HTT: variants seen among roughly 807,000 people sequenced by gnomAD.
HTT encodes the protein huntingtin.
A neutral mutation model predicts 362.3 loss-of-function variants in HTT; 104 were observed. The observed-to-expected ratio is 0.29, with a 90% CI of 0.24 to 0.34. The LOEUF is 0.34. HTT is among the 10% of genes least tolerant of loss of function. HTT has a pLI of 1.00. For missense variants in HTT, 3,301 were observed against 3,928.6 expected (o/e 0.84, Z 4.27); for synonymous variants, 1,577 against 1,548.7 (o/e 1.02, Z -0.43).
intron 35 of HTT, among the ~76,000 whole-genome samples, chr4:3,180,102 A>C (rs2110239929): frequency 6.6e-6 from 1 of 151,206 alleles, no homozygotes; most frequent in South Asian, 2.1e-4. Flanking sequence ...ATAATAATCC[A>C]GTGGCTTTGA....
intron 30 of HTT, 148 bp downstream of exon 30, chr4:3,172,545 T>C: frequency 2.9e-6 from 2 of 693,758 alleles, no homozygotes; most frequent in Non-Finnish European, 5.2e-6. Context: ...AGTCCATGAT[T>C]GAGCCAAGAG....
intron 8 of HTT, among the ~76,000 whole-genome samples, chr4:3,119,900 T>G (rs1715213703): frequency 6.6e-6 from 1 of 152,166 alleles, no homozygotes; most frequent in Non-Finnish European, 1.5e-5. Flanking sequence ...GTAAATATTT[T>G]CAGTCTTGCA....
At chr4:3,172,432 C>A (rs762798576) in intron 30 of HTT, 35 bp downstream of exon 30, 1 of 1,390,500 alleles carries the variant, frequency 7.2e-7, no homozygotes, top group Non-Finnish European at 1.0e-6. Flanking sequence ...TCTGTTAAGA[C>A]GTTCGGGTAT....
At chr4:3,147,851 C>A (rs1027807770) in intron 25 of HTT, among the ~76,000 whole-genome samples, 154 bp from the exon 26 acceptor site, 1 of 152,196 alleles carries the variant, frequency 6.6e-6, no homozygotes, top group Non-Finnish European at 1.5e-5. Flanking sequence ...CGGGAAACAT[C>A]AGTTTCAGTT....
At chr4:3,079,419 G>T (rs1712769153) in intron 1 of HTT, among the ~76,000 whole-genome samples, 1 of 152,064 alleles carries the variant, frequency 6.6e-6, no homozygotes, top group Non-Finnish European at 1.5e-5. Context: ...ATCACACCTG[G>T]CCAGATGATG....
chr4:3,180,382 C>T, intron 35 of HTT, 133 bp from the exon 36 acceptor site: 1 of 659,240 alleles, frequency 1.5e-6, no homozygotes, highest in African/African-American at 1.9e-5. Context: ...AACCTTAATT[C>T]ATCTCTTACC....
intron 9 of HTT, 124 bp from the exon 10 acceptor site, chr4:3,122,765 T>A: frequency 1.4e-6 from 1 of 693,238 alleles, no homozygotes; most frequent in Non-Finnish European, 2.5e-6. Flanking sequence ...GTTAAGTGTT[T>A]CCTGTGGAAA....
At chr4:3,207,165 C>A in intron 44 of HTT, 116 bp from the exon 45 acceptor site, 1 of 1,065,826 alleles carries the variant, frequency 9.4e-7, no homozygotes, top group Non-Finnish European at 1.4e-6. Flanking sequence ...GTATTTTTTT[C>A]TAGTCTGCCC....
At chr4:3,151,574 G>A (rs1453336490) in intron 26 of HTT, among the ~76,000 whole-genome samples, 1 of 152,144 alleles carries the variant, frequency 6.6e-6, no homozygotes, top group Non-Finnish European at 1.5e-5. Context: ...TGGGGACACA[G>A]AGCCAAACCA....
intron 6 of HTT, among the ~76,000 whole-genome samples, chr4:3,109,262 T>C (rs370059052): frequency 1.3e-5 from 2 of 152,110 alleles, no homozygotes; most frequent in East Asian, 1.9e-4. Flanking sequence ...GTTTTGCTCT[T>C]GTTGCCAAGG....
In HTT at chr4:3,238,827, ACT is replaced by A; in HGVS notation, c.9067_9068del (p.Leu3023AlafsTer94). 6.2e-7 allele frequency: 1 copy of A among 1,606,492 alleles called. No individual in the cohort carries two copies. Among genetic ancestry groups the A allele is most frequent in the Non-Finnish European group, 8.5e-7 (1 of 1,177,050 alleles). ...TGCTTGCTCCTTGCAGGTGTTTCAG[ACT>A]CTGCACAGCACCGGGCAGTCGTCCA... ...MATVVYKVFQ[T>X]LHSTGQSSMV... On this transcript the variant is annotated frameshift_variant, in exon 66 of 67. Transcript: ENST00000355072. LOFTEE classifies it high-confidence loss of function.
intron 24 of HTT, 149 bp downstream of exon 24, chr4:3,145,377 A>G (rs1359704780): frequency 6.2e-6 from 4 of 640,220 alleles, no homozygotes; most frequent in East Asian, 2.7e-5. Flanking sequence ...TTTCTGCTAT[A>G]TTAGCTGTGT....
At chr4:3,095,207 A>G (rs1387604428) in intron 2 of HTT, among the ~76,000 whole-genome samples, 1 of 152,222 alleles carries the variant, frequency 6.6e-6, no homozygotes, top group East Asian at 1.9e-4. Context: ...GTGACCCGAG[A>G]TCACGCCACT....
In HTT at chr4:3,218,933, C is replaced by CTG. The variant is rs151040757; in HGVS notation, c.7242+994_7242+995dup. ...CTGCCTGAGAAGGGTGCGTGCCTGCCTGTGTGTGTGTGTGCACGTGTGTGT... is the reference window on the plus strand; with the variant it reads ...CTGCCTGAGAAGGGTGCGTGCCTGCCTGTGTGTGTGTGTGTGCACGTGTGTGT... On this transcript the variant is annotated intron_variant, in intron 52 of 66. Coordinates refer to ENST00000355072, the MANE Select transcript of HTT (RefSeq NM_001388492.1). This position sits in a 1 kb window ranked among gnomAD's most constrained non-coding sequence, Gnocchi z 4.4. 7.9e-5 allele frequency among the ~76,000 whole-genome samples: 12 copies of CTG among 151,758 alleles called. No individual in the cohort carries two copies. The highest frequency in any genetic ancestry group is 1.5e-4 in the Non-Finnish European group (10 of 67,834).
intron 1 of HTT, among the ~76,000 whole-genome samples, chr4:3,076,320 C>G (rs28468636): frequency 0.082 from 12,468 of 152,182 alleles, 1,035 homozygotes; most frequent in African/African-American, 0.21. Flanking sequence ...TATTCTATTT[C>G]CGATCTGGAT....
chr4:3,078,546 T>G (rs1408370285), intron 1 of HTT, among the ~76,000 whole-genome samples: 1 of 152,086 alleles, frequency 6.6e-6, no homozygotes, highest in East Asian at 1.9e-4. Flanking sequence ...TAGCACTAAG[T>G]GTTGACATTT....
chr4:3,124,324 G>A (rs1020093614), intron 10 of HTT, among the ~76,000 whole-genome samples: 2 of 152,166 alleles, frequency 1.3e-5, no homozygotes, highest in African/African-American at 2.4e-5. Flanking sequence ...TCTTCTGGCT[G>A]GGACATGGGA....
At chr4:3,161,064 C>T (rs1028131631) in intron 29 of HTT, among the ~76,000 whole-genome samples, 3 of 152,114 alleles carry the variant, frequency 2.0e-5, no homozygotes, top group Non-Finnish European at 4.4e-5. Context: ...AATGTTATCC[C>T]TCCCCCAGTC....
rs1165543364 is a variant in HTT at position 3,083,530 on chromosome 4, T to TATACACAC, written c.264-3408_264-3407insTACACACA. Among the ~76,000 whole-genome samples the TATACACAC allele has an allele frequency of 4.0e-5, 5 of 125,126 alleles. 1 individual carries two copies. Among genetic ancestry groups the TATACACAC allele is most frequent in the Non-Finnish European group, 6.9e-5 (4 of 57,938 alleles). 82.1% of individuals were successfully genotyped at this position (125,126 alleles called of 152,430 possible). ...GAGAGTGAGACCCTGTCTCTAAATATACACACACACACACACACACACACA... is the reference window on the plus strand; with the variant it reads ...GAGAGTGAGACCCTGTCTCTAAATATATACACACACACACACACACACACACACACACA... On this transcript the variant is annotated intron_variant, in intron 1 of 66. Transcript: ENST00000355072.
Sources: allele counts gnomAD v4.1 joint callset (sites outside exome capture counted in the v4.1 genomes callset), GRCh38; gene constraint gnomAD v4.1.1; non-coding constraint Gnocchi (gnomAD v3.1); transcripts MANE v1.5; gene names NCBI Gene and HGNC (gene_info 2026-07-23, HGNC 2026-07-21).